YTHDC2: variants seen among roughly 807,000 people sequenced by gnomAD.
YTHDC2 encodes 3'-5' RNA helicase YTHDC2.
YTHDC2 carries 45 observed loss-of-function variants against 174.9 expected under a neutral mutation model. The ratio of observed to expected loss-of-function variants is 0.26; its 90% CI spans 0.20 to 0.33. The LOEUF (loss-of-function observed/expected upper bound fraction) is 0.33, where lower values mean the gene tolerates loss of function less well. YTHDC2 is among the 10% of genes least tolerant of loss of function. The pLI is 1.00. For synonymous variants in YTHDC2, 657 were observed against 574.5 expected, an observed-to-expected ratio of 1.14 and a Z score of -2.05; for missense variants, 1,650 against 1,723.7, an observed-to-expected ratio of 0.96 and a Z score of 0.76.
At chr5:113,544,351 A>G (rs12654189) in intron 10 of YTHDC2, among the ~76,000 whole-genome samples, 45,346 of 151,794 alleles carry the variant, frequency 0.3, 8,442 homozygotes, top group African/African-American at 0.51. Flanking sequence ...GAGTTTCACC[A>G]TGTTGGCCAG....
chr5:113,547,814 T>A lies in YTHDC2; in HGVS notation c.1496-727T>A, dbSNP rs192955122. On this transcript the variant is annotated intron_variant, in intron 10 of 29. Coordinates refer to ENST00000161863, the MANE Select transcript of YTHDC2 (RefSeq NM_022828.5). ...ACATACTGTATATGAAAGATTAAAA[T>A]TTTCCTTTTGTAGTTATCTTAAATT... Among the ~76,000 whole-genome samples, 9 of 152,322 alleles carry A rather than the reference T, an allele frequency of 5.9e-5. No individual in the cohort carries two copies. The East Asian group carries it at 1.7e-3, about 29-fold the overall frequency.
At chr5:113,540,027 G>C (rs1043285418) in intron 8 of YTHDC2, among the ~76,000 whole-genome samples, 1 of 152,094 alleles carries the variant, frequency 6.6e-6, no homozygotes. Context: ...TCAGCCTCTT[G>C]AGATGTAGAC....
At chr5:113,540,201 A>G (rs1171731634) in intron 8 of YTHDC2, among the ~76,000 whole-genome samples, 1 of 152,242 alleles carries the variant, frequency 6.6e-6, no homozygotes, top group Non-Finnish European at 1.5e-5. Context: ...TTTGAAGATG[A>G]AAATTATATA....
chr5:113,531,846 G>A (rs907073006), intron 4 of YTHDC2, among the ~76,000 whole-genome samples: 1 of 152,140 alleles, frequency 6.6e-6, no homozygotes, highest in African/African-American at 2.4e-5. Context: ...TATTTGTATG[G>A]GTGTTGGAAG....
At chr5:113,531,230 C>G (rs6898425) in intron 4 of YTHDC2, among the ~76,000 whole-genome samples, 48,559 of 152,066 alleles carry the variant, frequency 0.32, 9,538 homozygotes, top group African/African-American at 0.54. Context: ...ACCCGCAGAT[C>G]CTGACCCAGT....
rs11748794 is a variant in YTHDC2 at position 113,581,581 on chromosome 5, T to C, written c.3519T>C (p.Ser1173=). 6.2e-7 allele frequency: 1 copy of C among 1,613,920 alleles called. No homozygotes were observed. Among genetic ancestry groups the C allele is most frequent in the East Asian group, 2.2e-5 (1 of 44,850 alleles). ...EEQSAGLQQP[S]GIGQRPRPMS... is the part of the protein sequence containing the mutation. Reference sequence around the variant, plus strand: ...AGTCTGCAGGTTTACAACAACCATCTGGGATTGGCCAAAGGCCAAGGCCTA... The same window carrying C: ...AGTCTGCAGGTTTACAACAACCATCCGGGATTGGCCAAAGGCCAAGGCCTA... Residue 1173 remains serine, a synonymous_variant, in exon 25 of 30, where the codon TCT becomes TCC. Coordinates refer to ENST00000161863, the MANE Select transcript of YTHDC2 (RefSeq NM_022828.5).
Position 113,513,916 on chromosome 5 carries a change from C to G in YTHDC2, c.21C>G (p.Val7=), listed in dbSNP as rs202088776. Residue 7 remains valine (V), a synonymous_variant, in exon 1 of 30, where the codon GTC becomes GTG. Transcript: ENST00000161863. MSRPSS[V]SPRQPAPGGG... is the part of the protein sequence containing the mutation. The stretch of plus-strand genomic sequence containing the variant: ...GGGCAATGTCCAGGCCGAGCAGCGT[C>G]TCCCCGCGGCAGCCGGCTCCTGGCG... 1.9e-6 allele frequency: 3 copies of G among 1,605,476 alleles called. No homozygotes were observed. The highest frequency in any genetic ancestry group is 1.3e-5 in the African/African-American group (1 of 74,662).
rs151068574 is a variant in YTHDC2 at position 113,555,730 on chromosome 5, A to T, written c.2134-322A>T. 1.5e-4 allele frequency among the ~76,000 whole-genome samples: 23 copies of T among 152,272 alleles called. No individual in the cohort carries two copies. The East Asian group carries it at 2.1e-3, about 14-fold the overall frequency. On this transcript the variant is annotated intron_variant, in intron 16 of 29. Coordinates refer to ENST00000161863, the MANE Select transcript of YTHDC2 (RefSeq NM_022828.5). ...TAGGAAAGTGACCTCAAGGGAATAG[A>T]TCCGTTCTCTCCAATCTTGATGTCT...
At chr5:113,529,445 C>T (rs1234354829) in intron 4 of YTHDC2, among the ~76,000 whole-genome samples, 1 of 152,118 alleles carries the variant, frequency 6.6e-6, no homozygotes, top group Non-Finnish European at 1.5e-5. Flanking sequence ...ATTTTGATAG[C>T]TAGATTCACT....
intron 7 of YTHDC2, among the ~76,000 whole-genome samples, chr5:113,538,580 G>C (rs141570865): frequency 1.3e-5 from 2 of 151,690 alleles, no homozygotes; most frequent in African/African-American, 4.9e-5. Context: ...TTTTCATATG[G>C]CTTTGTTATT....
intron 10 of YTHDC2, among the ~76,000 whole-genome samples, chr5:113,543,388 CA>C (rs1442217072): frequency 1.3e-5 from 2 of 152,188 alleles, no homozygotes; most frequent in Non-Finnish European, 2.9e-5. Context: ...ACATATAATT[CA>C]TTAGCAAATC....
At chr5:113,572,768 A>G (rs1201953613) in intron 23 of YTHDC2, among the ~76,000 whole-genome samples, 2 of 152,230 alleles carry the variant, frequency 1.3e-5, no homozygotes, top group Non-Finnish European at 2.9e-5. Context: ...ATCAGAAACT[A>G]GGATTGCAAC....
At chr5:113,583,886 A>G (rs926753688) in intron 25 of YTHDC2, 2 of 153,268 alleles carry the variant, frequency 1.3e-5, no homozygotes, top group African/African-American at 2.4e-5. Flanking sequence ...TGAACTTTAT[A>G]TTGCAATACA....
intron 9 of YTHDC2, 61 bp downstream of exon 9, chr5:113,541,177 T>C (rs370279546): frequency 1.6e-4 from 251 of 1,570,386 alleles, no homozygotes; most frequent in South Asian, 5.2e-4. Context: ...TTAAAGAACA[T>C]TTTATGAGCT....
intron 1 of YTHDC2, among the ~76,000 whole-genome samples, chr5:113,514,558 C>G (rs1226035129): frequency 6.6e-6 from 1 of 152,194 alleles, no homozygotes; most frequent in Non-Finnish European, 1.5e-5. Flanking sequence ...CACGAAGCAT[C>G]TTCCACACCT....
At chr5:113,580,861 C>T in intron 24 of YTHDC2, among the ~76,000 whole-genome samples, 1 of 152,182 alleles carries the variant, frequency 6.6e-6, no homozygotes, top group East Asian at 1.9e-4. Flanking sequence ...GTCAGTCCTT[C>T]TTAGTTGTTT....
chr5:113,573,636 C>G (rs1777866260), intron 23 of YTHDC2, among the ~76,000 whole-genome samples: 2 of 151,968 alleles, frequency 1.3e-5, no homozygotes. Flanking sequence ...TTATATAATC[C>G]CATATTTCTT....
chr5:113,533,176 A>T (rs1161607562), intron 5 of YTHDC2, 131 bp downstream of exon 5: 1 of 961,920 alleles, frequency 1.0e-6, no homozygotes, highest in African/African-American at 1.7e-5. Context: ...CTACATCAAG[A>T]TATTAAAGTC....
chr5:113,558,528 G>A (rs994228271), intron 17 of YTHDC2, among the ~76,000 whole-genome samples: 1 of 152,142 alleles, frequency 6.6e-6, no homozygotes, highest in African/African-American at 2.4e-5. Flanking sequence ...GGAAGAGAGT[G>A]GAGTTAAGGA....
Sources: allele counts gnomAD v4.1 joint callset (sites outside exome capture counted in the v4.1 genomes callset), GRCh38; gene constraint gnomAD v4.1.1; transcripts MANE v1.5; gene names NCBI Gene and HGNC (gene_info 2026-07-23, HGNC 2026-07-21).